SNTG1: variants seen among roughly 807,000 people sequenced by gnomAD.
The protein encoded by SNTG1 is syntrophin gamma 1.
SNTG1 carries 39 observed loss-of-function variants against 74.7 expected under a neutral mutation model. The observed-to-expected ratio is 0.52, with a 90% confidence interval of 0.40 to 0.68. The LOEUF is 0.68. Among genes scored for constraint, SNTG1 ranks in the 30% least tolerant of loss-of-function variants. The pLI, the probability that SNTG1 is intolerant of heterozygous loss-of-function variation, is 0.00. For synonymous variants in SNTG1, 254 were observed against 217.1 expected, an observed-to-expected ratio of 1.17 and a Z score of -1.49; for missense variants, 685 against 609.5, an observed-to-expected ratio of 1.12 and a Z score of -1.30.
At chr8:50,079,070 A>G (rs1485811919) in intron 1 of SNTG1, among the ~76,000 whole-genome samples, 3 of 152,292 alleles carry the variant, frequency 2.0e-5, no homozygotes, top group South Asian at 2.1e-4. Flanking sequence ...TTGGGTATAC[A>G]CCCAGTAATG....
intron 8 of SNTG1, among the ~76,000 whole-genome samples, chr8:50,502,041 T>C (rs1346949858): frequency 6.6e-6 from 1 of 152,296 alleles, no homozygotes; most frequent in African/African-American, 2.4e-5. Flanking sequence ...TATTTTTGGA[T>C]ATGATTCTTG....
At chr8:50,772,805 G>T (rs2095630578) in intron 18 of SNTG1, among the ~76,000 whole-genome samples, 1 of 152,218 alleles carries the variant, frequency 6.6e-6, no homozygotes, top group African/African-American at 2.4e-5. Flanking sequence ...CTGCTGCAAA[G>T]GTGGGTGAGA....
At chr8:50,697,102 G>A (rs1248473442) in intron 15 of SNTG1, among the ~76,000 whole-genome samples, 1 of 151,918 alleles carries the variant, frequency 6.6e-6, no homozygotes. Flanking sequence ...ATATGTTTGT[G>A]TCAACTATAA....
intron 1 of SNTG1, among the ~76,000 whole-genome samples, chr8:50,014,078 C>A (rs532570864): frequency 3.3e-5 from 5 of 152,222 alleles, no homozygotes; most frequent in East Asian, 3.9e-4. Context: ...ACAGCAGGCC[C>A]GGTGATGTTT....
intron 1 of SNTG1, among the ~76,000 whole-genome samples, chr8:50,078,105 A>C (rs1051436693): frequency 6.6e-6 from 1 of 152,208 alleles, no homozygotes; most frequent in Non-Finnish European, 1.5e-5. Context: ...GTGAAACCTT[A>C]CTGCTGAACT....
chr8:49,959,368 T>A (rs1440326895), intron 1 of SNTG1, among the ~76,000 whole-genome samples: 1 of 152,220 alleles, frequency 6.6e-6, no homozygotes, highest in Non-Finnish European at 1.5e-5. Flanking sequence ...TTTATGGGAT[T>A]CCAAATGCTC....
At position 50,086,730 on chromosome 8, in the gene SNTG1, G is replaced by A. The variant is rs565621646; in HGVS notation, c.-102-85831G>A. ...ACATGGATTTCTGTGTTGTTTGCAA[G>A]AGGTGGTTGAAAATATGGTCTTAGT... On this transcript the variant is annotated intron_variant, in intron 1 of 18. Coordinates refer to ENST00000642720, the MANE Select transcript of SNTG1 (RefSeq NM_018967.5). Among the ~76,000 whole-genome samples, 51 of 152,226 alleles carry A rather than the reference G, an allele frequency of 3.4e-4. 1 individual carries two copies. In the South Asian group the frequency reaches 8.1e-3, roughly 24 times the overall value.
At chr8:50,377,425 GT>G (rs992612875) in intron 2 of SNTG1, among the ~76,000 whole-genome samples, 1 of 151,928 alleles carries the variant, frequency 6.6e-6, no homozygotes, top group East Asian at 1.9e-4. Flanking sequence ...GTATTCTTCA[GT>G]TTTTTGGAAA....
chr8:50,181,185 C>T (rs2083193573), intron 2 of SNTG1, among the ~76,000 whole-genome samples: 1 of 152,156 alleles, frequency 6.6e-6, no homozygotes, highest in South Asian at 2.1e-4. Flanking sequence ...GTGGTGATTG[C>T]TCTGGACCTC....
intron 1 of SNTG1, among the ~76,000 whole-genome samples, chr8:49,990,484 A>T (rs139598037): frequency 0.012 from 1,766 of 152,138 alleles, 32 homozygotes; most frequent in African/African-American, 0.041. Context: ...AATCCCCTAA[A>T]AGAACAATGT....
intron 1 of SNTG1, 35 bp downstream of exon 1, chr8:49,912,266 A>T (rs966073755): frequency 6.6e-6 from 1 of 152,218 alleles, no homozygotes; most frequent in Non-Finnish European, 1.5e-5. Flanking sequence ...GTTTTTTAAA[A>T]TTCTAATGAC....
intron 2 of SNTG1, among the ~76,000 whole-genome samples, chr8:50,188,042 TGG>T (rs2083445033): frequency 6.6e-6 from 1 of 152,174 alleles, no homozygotes; most frequent in Admixed American, 6.6e-5. Flanking sequence ...TAGTAATGGC[TGG>T]TGAAAGAGCC....
chr8:50,478,283 T>C (rs1163068601), intron 8 of SNTG1, among the ~76,000 whole-genome samples: 1 of 152,196 alleles, frequency 6.6e-6, no homozygotes, highest in East Asian at 1.9e-4. Context: ...TAAAAATTAT[T>C]TGGACTTTAA....
intron 1 of SNTG1, among the ~76,000 whole-genome samples, chr8:49,939,311 T>G (rs1035931216): frequency 5.9e-5 from 9 of 152,238 alleles, no homozygotes; most frequent in African/African-American, 2.2e-4. Context: ...CTCTTTAATT[T>G]TCTTTCAACC....
At chr8:50,242,091 A>G (rs1311776693) in intron 2 of SNTG1, among the ~76,000 whole-genome samples, 1 of 152,078 alleles carries the variant, frequency 6.6e-6, no homozygotes, top group Non-Finnish European at 1.5e-5. Flanking sequence ...ATCTACGTAT[A>G]TATACGTATA....
At chr8:49,928,971 A>T (rs1563358582) in intron 1 of SNTG1, among the ~76,000 whole-genome samples, 1 of 152,070 alleles carries the variant, frequency 6.6e-6, no homozygotes, top group Non-Finnish European at 1.5e-5. Context: ...ATTGGACAAG[A>T]GGCTATAATT....
Position 50,773,838 on chromosome 8 carries a change from G to A in SNTG1, c.1396-18833G>A, listed in dbSNP as rs188120408. ...TTGTGTATTACAAATATATTAACTGGTCTAAATGAAGCTATGCCCAAAGAA... is the reference window on the plus strand; with the variant it reads ...TTGTGTATTACAAATATATTAACTGATCTAAATGAAGCTATGCCCAAAGAA... On this transcript the variant is annotated intron_variant, in intron 18 of 18. Transcript: ENST00000642720. Among the ~76,000 whole-genome samples, 137 of 152,104 alleles carry A rather than the reference G, an allele frequency of 9.0e-4. 2 individuals are homozygous for A. The highest frequency in any genetic ancestry group is 6.8e-3 in the Middle Eastern group (2 of 292).
chr8:50,042,386 A>C (rs1262520358), intron 1 of SNTG1, among the ~76,000 whole-genome samples: 1 of 152,006 alleles, frequency 6.6e-6, no homozygotes, highest in Non-Finnish European at 1.5e-5. Context: ...TAAAAATGCA[A>C]ATCTTAAAAT....
chr8:50,175,746 T>G (rs1488032454), intron 2 of SNTG1, among the ~76,000 whole-genome samples: 3 of 152,200 alleles, frequency 2.0e-5, no homozygotes, highest in Admixed American at 6.5e-5. Context: ...AGGGCGGCTA[T>G]TCTCATCCTC....
Sources: allele counts gnomAD v4.1 joint callset (sites outside exome capture counted in the v4.1 genomes callset), GRCh38; gene constraint gnomAD v4.1.1; transcripts MANE v1.5; gene names NCBI Gene and HGNC (gene_info 2026-07-23, HGNC 2026-07-21).